Variants in GABRB3 observed in about 807,000 individuals in gnomAD.
The protein encoded by GABRB3 is gamma-aminobutyric acid receptor subunit beta-3.
A neutral mutation model predicts 52.1 loss-of-function variants in GABRB3; 14 were observed. The observed-to-expected ratio is 0.27, with a 90% confidence interval of 0.18 to 0.42. The LOEUF is 0.42. Ranked by LOEUF, GABRB3 falls within the 10% of genes least tolerant of loss-of-function variation. GABRB3 has a pLI of 1.00. For missense variants in GABRB3, 307 were observed against 609.1 expected (o/e 0.50, Z 5.22); for synonymous variants, 260 against 232.3 (o/e 1.12, Z -1.08).
intron 3 of GABRB3, among the ~76,000 whole-genome samples, chr15:26,743,116 G>C (rs941507094): frequency 5.3e-5 from 8 of 151,972 alleles, no homozygotes; most frequent in Admixed American, 3.3e-4. Flanking sequence ...TTTTAGTAGA[G>C]ATGGTGTTTC....
At chr15:26,723,395 C>T (rs899683757) in intron 3 of GABRB3, among the ~76,000 whole-genome samples, 1 of 152,204 alleles carries the variant, frequency 6.6e-6, no homozygotes, top group East Asian at 1.9e-4. Flanking sequence ...TATAACCCCT[C>T]CCTACCTAGG....
intron 4 of GABRB3, among the ~76,000 whole-genome samples, chr15:26,606,130 A>T (rs759254855): frequency 2.0e-4 from 31 of 152,264 alleles, no homozygotes; most frequent in South Asian, 4.1e-4. Context: ...AACACTGGAG[A>T]TTACAATTCA....
chr15:26,598,262 A>G (rs927058357), intron 4 of GABRB3, among the ~76,000 whole-genome samples: 5 of 152,204 alleles, frequency 3.3e-5, no homozygotes, highest in African/African-American at 1.2e-4. Context: ...AAAAAACAAA[A>G]AAGGTAAATT....
chr15:26,705,930 A>T (rs1889084515), intron 3 of GABRB3, among the ~76,000 whole-genome samples: 1 of 152,050 alleles, frequency 6.6e-6, no homozygotes. Context: ...GAGCTGAAAA[A>T]CTTCCTATTG....
chr15:26,768,012 C>T lies in GABRB3; in HGVS notation c.240+4390G>A, dbSNP rs538504237. Among the ~76,000 whole-genome samples the T allele has an allele frequency of 3.4e-5, 5 of 145,900 alleles. No homozygotes were observed. In the South Asian group the frequency reaches 1.1e-3, roughly 33 times the overall value. On this transcript the variant is annotated intron_variant, in intron 3 of 8. Transcript: ENST00000311550. The stretch of plus-strand genomic sequence containing the variant: ...TGTTCATATGCACACTTATTTCACA[C>T]CTACACATTAAAAAAATGGATTTTA...
At chr15:26,719,097 GGCACAT>G (rs1403314664) in intron 3 of GABRB3, among the ~76,000 whole-genome samples, 1 of 152,262 alleles carries the variant, frequency 6.6e-6, no homozygotes, top group Non-Finnish European at 1.5e-5. Context: ...CCTCTGGGCA[GGCACAT>G]GCACATCGGT....
At chr15:26,627,450 A>C (rs988329419) in intron 3 of GABRB3, among the ~76,000 whole-genome samples, 6 of 149,158 alleles carry the variant, frequency 4.0e-5, no homozygotes, top group African/African-American at 1.5e-4. Flanking sequence ...GGCAAAGTAA[A>C]CTGAAAACAT....
chr15:26,644,862 A>C (rs576487348), intron 3 of GABRB3, among the ~76,000 whole-genome samples: 1 of 152,368 alleles, frequency 6.6e-6, no homozygotes, highest in African/African-American at 2.4e-5. Flanking sequence ...ACACATCAGC[A>C]TGTGATGGAG....
intron 4 of GABRB3, among the ~76,000 whole-genome samples, chr15:26,593,629 G>GTGTA (rs1595467303): frequency 6.6e-6 from 1 of 151,938 alleles, no homozygotes; most frequent in African/African-American, 2.4e-5. Context: ...TTCACCCATG[G>GTGTA]TGTAGCATGT....
intron 3 of GABRB3, among the ~76,000 whole-genome samples, chr15:26,634,533 G>A (rs369209813): frequency 2.6e-5 from 4 of 152,066 alleles, no homozygotes; most frequent in Non-Finnish European, 5.9e-5. Flanking sequence ...CCATGGCAAC[G>A]GATTAGAGGA....
chr15:26,624,336 T>C (rs1892602967), intron 3 of GABRB3: 2 of 985,562 alleles, frequency 2.0e-6, no homozygotes, highest in South Asian at 4.7e-5. Flanking sequence ...TACACTCGTA[T>C]TGAAATAGAA....
chr15:26,668,867 T>C (rs1248382206), intron 3 of GABRB3, among the ~76,000 whole-genome samples: 1 of 152,216 alleles, frequency 6.6e-6, no homozygotes, highest in Non-Finnish European at 1.5e-5. Flanking sequence ...AAACAAAGTT[T>C]AAATGAATGC....
At chr15:26,766,340 C>G (rs1306490053) in intron 3 of GABRB3, among the ~76,000 whole-genome samples, 1 of 152,194 alleles carries the variant, frequency 6.6e-6, no homozygotes, top group African/African-American at 2.4e-5. Context: ...TTGATGAATT[C>G]AGATGGTATT....
At chr15:26,571,371 G>C (rs1459852370) in intron 6 of GABRB3, among the ~76,000 whole-genome samples, 1 of 152,172 alleles carries the variant, frequency 6.6e-6, no homozygotes, top group Non-Finnish European at 1.5e-5. Context: ...TGGTAGAAGA[G>C]CTATACATAC....
chr15:26,637,429 C>T (rs1307228491), intron 3 of GABRB3, among the ~76,000 whole-genome samples: 1 of 152,074 alleles, frequency 6.6e-6, no homozygotes, highest in African/African-American at 2.4e-5. Context: ...TTTCCCCCTG[C>T]TAGAACATCA....
At chr15:26,691,597 A>C (rs1349682012) in intron 3 of GABRB3, among the ~76,000 whole-genome samples, 1 of 152,204 alleles carries the variant, frequency 6.6e-6, no homozygotes, top group East Asian at 1.9e-4. Flanking sequence ...AGGAAGAAAA[A>C]AAATTGAATC....
intron 2 of GABRB3, 69 bp downstream of exon 2, chr15:26,772,612 C>A: frequency 1.4e-6 from 2 of 1,455,532 alleles, no homozygotes; most frequent in Non-Finnish European, 1.8e-6. Context: ...GCGGCCCCCG[C>A]CTCCCTCCGC....
At chr15:26,597,419 G>T (rs914043128) in intron 4 of GABRB3, among the ~76,000 whole-genome samples, 2 of 152,148 alleles carry the variant, frequency 1.3e-5, no homozygotes, top group Non-Finnish European at 2.9e-5. Flanking sequence ...GAGTAATGGT[G>T]CCTACTTTAC....
chr15:26,650,425 A>T (rs529005559), intron 3 of GABRB3, among the ~76,000 whole-genome samples: 1 of 152,114 alleles, frequency 6.6e-6, no homozygotes, highest in South Asian at 2.1e-4. Flanking sequence ...CAGGCTGAAG[A>T]CCCAGTAGGG....
Sources: allele counts gnomAD v4.1 joint callset (sites outside exome capture counted in the v4.1 genomes callset), GRCh38; gene constraint gnomAD v4.1.1; transcripts MANE v1.5; gene names NCBI Gene and HGNC (gene_info 2026-07-23, HGNC 2026-07-21).